MED27: variants seen among roughly 807,000 people sequenced by gnomAD.
MED27 encodes mediator complex subunit 27, also known as mediator of RNA polymerase II transcription subunit 27.
MED27 carries 30 observed loss-of-function variants against 38.2 expected under a neutral mutation model. The observed-to-expected ratio is 0.79, with a 90% CI of 0.59 to 1.07. MED27 has a LOEUF of 1.07. Ranked by LOEUF, MED27 falls within the 50% of genes least tolerant of loss-of-function variation. The pLI is 0.00. For missense variants in MED27, 289 were observed against 397.5 expected (o/e 0.73, Z 2.32); for synonymous variants, 122 against 153.5 (o/e 0.79, Z 1.52).
At chr9:132,078,162 C>T (rs1206649331) in intron 1 of MED27, among the ~76,000 whole-genome samples, 1 of 152,160 alleles carries the variant, frequency 6.6e-6, no homozygotes, top group African/African-American at 2.4e-5. Context: ...AGCAGGAAAA[C>T]CCTAGAGAAG....
rs1422745632 is a variant in MED27 at position 131,997,614 on chromosome 9, T to C, written c.479+16723A>G. Among the ~76,000 whole-genome samples, 1 of 152,204 alleles carries C rather than the reference T, an allele frequency of 6.6e-6. No homozygotes were observed. Among genetic ancestry groups the C allele is most frequent in the African/African-American group, 2.4e-5 (1 of 41,446 alleles). On this transcript the variant is annotated intron_variant, in intron 3 of 7. Transcript: ENST00000292035. The surrounding 1 kb of genome is among the most constrained non-coding windows in gnomAD (Gnocchi z 4.0). ...AGGGGGTGATCCCTAATAAATATAT[T>C]GCAGCCCAATTCCAACTCAACCTCT...
rs1830237781 is a variant in MED27 at position 131,913,965 on chromosome 9, C to T, written c.574-19973G>A. On this transcript the variant is annotated intron_variant, in intron 4 of 7. Transcript: ENST00000292035. This position sits in a 1 kb window ranked among gnomAD's most constrained non-coding sequence, Gnocchi z 4.5. ...TTGTCTTCATTCATTCATTCAACAGCTCTTAACAGAACGCTTCCTTTGTGC... is the reference window on the plus strand; with the variant it reads ...TTGTCTTCATTCATTCATTCAACAGTTCTTAACAGAACGCTTCCTTTGTGC... Among the ~76,000 whole-genome samples the T allele has an allele frequency of 6.7e-6, 1 of 148,458 alleles. No individual in the cohort carries two copies. The highest frequency in any genetic ancestry group is 1.5e-5 in the Non-Finnish European group (1 of 66,904).
Position 131,916,731 on chromosome 9 carries a change from C to G in MED27, c.573+22650G>C, listed in dbSNP as rs1471050256. Reference sequence around the variant, plus strand: ...ACAACAGATGTTAATAGGGCACTGGCCAGCTCCCAGCACCTCCCGGTTACC... The same window carrying G: ...ACAACAGATGTTAATAGGGCACTGGGCAGCTCCCAGCACCTCCCGGTTACC... On this transcript the variant is annotated intron_variant, in intron 4 of 7. Transcript: ENST00000292035. Among the ~76,000 whole-genome samples the G allele has an allele frequency of 5.3e-5, 8 of 152,238 alleles. No individual in the cohort carries two copies. The South Asian group carries it at 1.5e-3, about 28-fold the overall frequency.
At chr9:131,967,541 G>T (rs569473396) in intron 3 of MED27, among the ~76,000 whole-genome samples, 89 of 150,482 alleles carry the variant, frequency 5.9e-4, no homozygotes, top group Non-Finnish European at 1.0e-3. Flanking sequence ...GCCCAGGCTG[G>T]AGTGCAATGG....
At chr9:131,893,221 T>G (rs569949216) in intron 5 of MED27, among the ~76,000 whole-genome samples, 41 of 150,874 alleles carry the variant, frequency 2.7e-4, no homozygotes, top group African/African-American at 9.8e-4. Context: ...CCTGGAAGAG[T>G]GTGGGGCATC....
intron 5 of MED27, among the ~76,000 whole-genome samples, chr9:131,892,141 C>T (rs1302077656): frequency 1.3e-5 from 2 of 151,538 alleles, no homozygotes; most frequent in African/African-American, 2.4e-5. Flanking sequence ...AAAGAGAATG[C>T]GCAGAGGGAG....
chr9:131,878,774 C>T (rs1838982757), intron 6 of MED27, among the ~76,000 whole-genome samples: 1 of 152,158 alleles, frequency 6.6e-6, no homozygotes, highest in African/African-American at 2.4e-5. Context: ...TATGAACACG[C>T]TTGAAACCTT....
chr9:131,873,938 G>GC (rs1439317062), intron 6 of MED27, among the ~76,000 whole-genome samples: 10 of 152,170 alleles, frequency 6.6e-5, no homozygotes, highest in Non-Finnish European at 1.0e-4. Flanking sequence ...TGAAAGGGAA[G>GC]CCCCCAACTC....
intron 2 of MED27, among the ~76,000 whole-genome samples, chr9:132,052,588 A>T (rs79669056): frequency 6.9e-6 from 1 of 145,566 alleles, no homozygotes; most frequent in Admixed American, 6.9e-5. Flanking sequence ...TAAAAAAAAA[A>T]TAGTGGTTTC....
intron 4 of MED27, among the ~76,000 whole-genome samples, chr9:131,907,571 C>T (rs1830091232): frequency 6.6e-6 from 1 of 152,204 alleles, no homozygotes; most frequent in Non-Finnish European, 1.5e-5. Flanking sequence ...CTGGCTACAA[C>T]CTCCACCTCC....
intron 6 of MED27, among the ~76,000 whole-genome samples, chr9:131,879,169 G>A (rs1440840083): frequency 6.6e-6 from 1 of 152,246 alleles, no homozygotes; most frequent in Non-Finnish European, 1.5e-5. Flanking sequence ...GCACGGGCCT[G>A]AGAGAATGTG....
rs543881474 is a variant in MED27 at position 131,872,640 on chromosome 9, C to T, written c.724-9500G>A. On this transcript the variant is annotated intron_variant, in intron 6 of 7. Coordinates refer to ENST00000292035, the MANE Select transcript of MED27 (RefSeq NM_004269.4). The surrounding 1 kb of genome is among the most constrained non-coding windows in gnomAD (Gnocchi z 5.6). ...GGGGGGCCTCTTCCCTGCTGGCCCT[C>T]GGTAGAAGAGCGTGGGGAGGCTGGG... Among the ~76,000 whole-genome samples the T allele has an allele frequency of 3.4e-4, 52 of 151,408 alleles. No individual in the cohort carries two copies. Among genetic ancestry groups the T allele is most frequent in the African/African-American group, 1.2e-3 (47 of 40,732 alleles).
chr9:131,938,175 C>T (rs918971024), intron 4 of MED27, among the ~76,000 whole-genome samples: 13 of 152,046 alleles, frequency 8.6e-5, no homozygotes, highest in Admixed American at 3.9e-4. Flanking sequence ...CGAAGATGAA[C>T]GGCTGGAGTA....
intron 4 of MED27, among the ~76,000 whole-genome samples, chr9:131,920,864 T>C (rs933774622): frequency 2.6e-5 from 4 of 151,900 alleles, no homozygotes; most frequent in East Asian, 1.9e-4. Context: ...TGGGGAGCCA[T>C]TGGAGGTTCT....
In MED27 at chr9:131,860,426, GA is replaced by G; in HGVS notation, c.*111del. On this transcript the variant is annotated 3_prime_UTR_variant, in exon 8 of 8. Coordinates refer to ENST00000292035, the MANE Select transcript of MED27 (RefSeq NM_004269.4). This position sits in a 1 kb window ranked among gnomAD's most constrained non-coding sequence, Gnocchi z 5.8. Reference sequence around the variant, plus strand: ...ACACATGGCGCTGCTTTATGAAAGGGAGGAGCAGCTGTACACATCTGGGCAG... The same window carrying G: ...ACACATGGCGCTGCTTTATGAAAGGGGGAGCAGCTGTACACATCTGGGCAG... 2 of 1,248,134 alleles carry G rather than the reference GA, an allele frequency of 1.6e-6. No individual in the cohort carries two copies. Among genetic ancestry groups the G allele is most frequent in the South Asian group, 3.3e-5 (2 of 61,156 alleles). The allele number at this position is 1,248,134 out of a possible 1,614,324, so 77.3% of individuals were successfully genotyped here. A position where few individuals can be genotyped will look rare whatever the true frequency, so the allele number is the denominator to read the frequency against.
At chr9:131,877,532 C>T (rs772396596) in intron 6 of MED27, among the ~76,000 whole-genome samples, 4 of 152,126 alleles carry the variant, frequency 2.6e-5, no homozygotes, top group Admixed American at 1.3e-4. Flanking sequence ...GCCGAGACCA[C>T]ACCACTGCAC....
At chr9:131,863,025 A>C in intron 7 of MED27, 38 bp downstream of exon 7, 1 of 1,581,230 alleles carries the variant, frequency 6.3e-7, no homozygotes, top group Non-Finnish European at 8.7e-7. Context: ...AAGGGAGCTG[A>C]GGTTTAAACA....
chr9:132,055,556 G>A (rs1321593208), intron 2 of MED27, among the ~76,000 whole-genome samples: 2 of 152,194 alleles, frequency 1.3e-5, no homozygotes, highest in African/African-American at 2.4e-5. Context: ...GGAAGATTTA[G>A]ATGTGGGTCA....
Position 132,007,971 on chromosome 9 carries a change from T to C in MED27, c.479+6366A>G, listed in dbSNP as rs17148543. Among the ~76,000 whole-genome samples, 904 of 152,216 alleles carry C rather than the reference T, an allele frequency of 5.9e-3. 6 individuals carry two copies. Among genetic ancestry groups the C allele is most frequent in the African/African-American group, 0.02 (849 of 41,494 alleles). On this transcript the variant is annotated intron_variant, in intron 3 of 7. Transcript: ENST00000292035. ...CACAACTTCCAGGGCATGGAGGTAA[T>C]AGTTTTCAATGTAAGCTTTCTGAAA...
Sources: gnomAD v4.1 joint callset for allele counts (sites outside exome capture counted in the v4.1 genomes callset) on GRCh38, gnomAD v4.1.1 for gene constraint, Gnocchi (gnomAD v3.1) non-coding constraint, MANE v1.5 for transcripts, NCBI Gene and HGNC (gene_info 2026-07-23, HGNC 2026-07-21) for gene names.